GPSM2: variants seen among roughly 807,000 people sequenced by gnomAD.
GPSM2 encodes the protein G protein-signaling modulator 2.
Under a neutral mutation model 78.4 loss-of-function variants are expected in GPSM2, and 58 were observed. That is an observed-to-expected ratio of 0.74 (90% confidence interval 0.60 to 0.92). GPSM2 has a LOEUF of 0.92. GPSM2 is among the 40% of genes least tolerant of loss of function. The pLI is 0.00. For missense variants in GPSM2, 700 were observed against 815.5 expected, an observed-to-expected ratio of 0.86 and a Z score of 1.73; for synonymous variants, 224 against 280.2, an observed-to-expected ratio of 0.80 and a Z score of 2.00.
At chr1:108,928,201 C>T (rs1651290422) in intron 14 of GPSM2, among the ~76,000 whole-genome samples, 1 of 152,194 alleles carries the variant, frequency 6.6e-6, no homozygotes, top group Non-Finnish European at 1.5e-5. Context: ...ACTCCTAAAA[C>T]TCAACAAAAA....
intron 14 of GPSM2, 43 bp downstream of exon 14, chr1:108,924,257 C>G: frequency 8.7e-7 from 1 of 1,146,222 alleles, no homozygotes; most frequent in Non-Finnish European, 1.3e-6. Context: ...AGCTCAGATA[C>G]CACTGAAAAC....
At chr1:108,912,202 A>G (rs1649805876) in intron 10 of GPSM2, among the ~76,000 whole-genome samples, 1 of 152,178 alleles carries the variant, frequency 6.6e-6, no homozygotes, top group Non-Finnish European at 1.5e-5. Flanking sequence ...AACTTCATGA[A>G]GTTATTCATA....
intron 2 of GPSM2, among the ~76,000 whole-genome samples, chr1:108,895,051 G>A (rs1175450299): frequency 6.6e-6 from 1 of 152,174 alleles, no homozygotes; most frequent in Admixed American, 6.6e-5. Flanking sequence ...ATTAGGGTGG[G>A]TGGTGGTTTA....
chr1:108,914,279 C>G, intron 10 of GPSM2, 59 bp from the exon 11 acceptor site: 2 of 1,115,966 alleles, frequency 1.8e-6, no homozygotes, highest in Admixed American at 1.7e-5. Context: ...TGTAATGATG[C>G]TGAACTTGTA....
chr1:108,895,944 A>AT (rs368045982), intron 2 of GPSM2, among the ~76,000 whole-genome samples: 3 of 152,144 alleles, frequency 2.0e-5, no homozygotes, highest in African/African-American at 4.8e-5. Context: ...ATGAAGCTCC[A>AT]TTTTTTTAAA....
Position 108,931,255 on chromosome 1 carries a change from A to G in GPSM2, c.*1315A>G. ...TGAAAACTCACAAAAATTAAATATG[A>G]AAGAAAGATGTCAGCTAGAACCTTA... On this transcript the variant is annotated 3_prime_UTR_variant, in exon 15 of 15. Transcript: ENST00000264126. 6.9e-7 allele frequency: 1 copy of G among 1,442,830 alleles called. No individual in the cohort carries two copies. Among genetic ancestry groups the G allele is most frequent in the Non-Finnish European group, 9.2e-7 (1 of 1,089,410 alleles). 89.4% of individuals were successfully genotyped at this position (1,442,830 alleles called of 1,614,324 possible).
intron 2 of GPSM2, among the ~76,000 whole-genome samples, chr1:108,890,618 T>A (rs1017417134): frequency 6.6e-6 from 1 of 152,258 alleles, no homozygotes; most frequent in African/African-American, 2.4e-5. Context: ...TGATTTGAAC[T>A]CTTTATGTTA....
At chr1:108,913,269 A>G (rs1649906787) in intron 10 of GPSM2, among the ~76,000 whole-genome samples, 1 of 152,240 alleles carries the variant, frequency 6.6e-6, no homozygotes, top group African/African-American at 2.4e-5. Context: ...CGTTTCCAAG[A>G]ATATCTGTAG....
chr1:108,924,447 G>GTA (rs1307307318), intron 14 of GPSM2: 40 of 553,722 alleles, frequency 7.2e-5, no homozygotes, highest in East Asian at 1.3e-4. Flanking sequence ...GTGTGTGTGT[G>GTA]TATATATATA....
At chr1:108,912,578 A>G (rs1479759382) in intron 10 of GPSM2, among the ~76,000 whole-genome samples, 3 of 87,664 alleles carry the variant, frequency 3.4e-5, no homozygotes, top group African/African-American at 5.1e-5. Context: ...CTGTCTGTAT[A>G]AAAAAAAAAA....
chr1:108,897,807 G>A (rs1648486760), intron 4 of GPSM2, 152 bp from the exon 5 acceptor site: 1 of 902,536 alleles, frequency 1.1e-6, no homozygotes, highest in Non-Finnish European at 1.7e-6. Flanking sequence ...ATAGTAAGAG[G>A]TCTTTCATAA....
At chr1:108,909,011 A>T (rs963237200) in intron 10 of GPSM2, among the ~76,000 whole-genome samples, 8 of 151,764 alleles carry the variant, frequency 5.3e-5, no homozygotes, top group African/African-American at 1.9e-4. Flanking sequence ...TGGTAGCATG[A>T]GCCTGTGATC....
intron 10 of GPSM2, among the ~76,000 whole-genome samples, chr1:108,906,675 C>A (rs199807252): frequency 1.3e-5 from 2 of 151,278 alleles, no homozygotes; most frequent in Admixed American, 1.3e-4. Context: ...GTCAGGAGTT[C>A]GAGACCAGCC....
rs769142422 is a variant in GPSM2, at chr1:108,923,981, TTTC to T, written c.1601-11_1601-9del. 26 of 1,523,324 alleles carry T rather than the reference TTTC, an allele frequency of 1.7e-5. No individual in the cohort carries two copies. The highest frequency in any genetic ancestry group is 6.7e-5 in the East Asian group (3 of 44,452). The allele number at this position is 1,523,324 out of a possible 1,614,324, so 94.4% of individuals were successfully genotyped here. ...TTTTTGTTTTTTTTTAATCTTTGGC[TTTC>T]TTCTTCTGTTCTTAGCATCATCTGT... On this transcript the variant is annotated splice_polypyrimidine_tract_variant and intron_variant, in intron 13 of 14. Coordinates refer to ENST00000264126, the MANE Select transcript of GPSM2 (RefSeq NM_013296.5).
At chr1:108,890,162 AT>A (rs1357979408) in intron 2 of GPSM2, among the ~76,000 whole-genome samples, 1 of 152,174 alleles carries the variant, frequency 6.6e-6, no homozygotes, top group Non-Finnish European at 1.5e-5. Flanking sequence ...CTGTATTAAA[AT>A]TAAGTTAATC....
rs756683956 is a variant in GPSM2, at chr1:108,914,338, G to A, written c.1193G>A (p.Gly398Asp). 3.1e-6 allele frequency: 5 copies of A among 1,605,908 alleles called. No individual in the cohort carries two copies. The highest frequency in any genetic ancestry group is 2.2e-5 in the East Asian group (1 of 44,782). Residue 398 changes from glycine to aspartate, a missense_variant and splice_region_variant, in exon 11 of 15, where the codon GGT becomes GAT. By Grantham distance (94) the Gly-to-Asp change is moderately conservative (BLOSUM62 -1). Coordinates refer to ENST00000264126, the MANE Select transcript of GPSM2 (RefSeq NM_013296.5). ...TTGAATTAATTTTTTTTAAACAAAG[G>A]TGTACGCCCCAAGTTGGGACGCCGG... is the stretch of plus-strand genomic sequence containing the variant. ...ENTEIDSSLN[G>D]VRPKLGRRHS...
At chr1:108,893,484 T>TTGC (rs1648122476) in intron 2 of GPSM2, among the ~76,000 whole-genome samples, 1 of 152,182 alleles carries the variant, frequency 6.6e-6, no homozygotes, top group Admixed American at 6.5e-5. Flanking sequence ...TGTGGTTTTT[T>TTGC]TGCTGCTGTG....
In GPSM2 at chr1:108,931,304, T is replaced by C. The variant is rs1651910030; in HGVS notation, c.*1364T>C. ...TAGTTGTCATTAAGCTTTGTCTTCCTTATCCCAGATATTGAAGGCAGTTTA... is the reference window on the plus strand; with the variant it reads ...TAGTTGTCATTAAGCTTTGTCTTCCCTATCCCAGATATTGAAGGCAGTTTA... On this transcript the variant is annotated 3_prime_UTR_variant, in exon 15 of 15. Coordinates refer to ENST00000264126, the MANE Select transcript of GPSM2 (RefSeq NM_013296.5). The C allele has an allele frequency of 6.5e-7, 1 of 1,541,724 alleles. No homozygotes were observed. The highest frequency in any genetic ancestry group is 2.0e-5 in the Admixed American group (1 of 49,854).
intron 1 of GPSM2, among the ~76,000 whole-genome samples, chr1:108,878,951 C>T (rs1209352169): frequency 1.3e-5 from 2 of 152,148 alleles, no homozygotes; most frequent in African/African-American, 4.8e-5. Context: ...TGCTGTATTG[C>T]TTCTGTGTGT....
Sources: allele counts gnomAD v4.1 joint callset (sites outside exome capture counted in the v4.1 genomes callset), GRCh38; gene constraint gnomAD v4.1.1; transcripts MANE v1.5; gene names NCBI Gene and HGNC (gene_info 2026-07-23, HGNC 2026-07-21).